OXNAD1: variants seen among roughly 807,000 people sequenced by gnomAD.
The protein encoded by OXNAD1 is oxidoreductase NAD binding domain containing 1, also known as oxidoreductase NAD-binding domain-containing protein 1.
In OXNAD1, 34 loss-of-function variants were observed where a neutral mutation model predicts 32.9. The ratio of observed to expected loss-of-function variants is 1.03; its 90% confidence interval spans 0.79 to 1.38. The LOEUF is 1.38. Among genes scored for constraint, OXNAD1 ranks in the 40% most tolerant of loss-of-function variants. The pLI is 0.00. For missense variants in OXNAD1, 407 were observed against 379.4 expected, an observed-to-expected ratio of 1.07 and a Z score of -0.60; for synonymous variants, 134 against 135.2, an observed-to-expected ratio of 0.99 and a Z score of 0.06.
At position 16,288,027 on chromosome 3, in the gene OXNAD1, TG is replaced by T. The variant is rs1262241555; in HGVS notation, c.290+1582del. On this transcript the variant is annotated intron_variant, in intron 5 of 8. Coordinates refer to ENST00000285083, the MANE Select transcript of OXNAD1 (RefSeq NM_138381.5). The surrounding 1 kb of genome is among the most constrained non-coding windows in gnomAD (Gnocchi z 5.1). ...TTGATCAGCATTCATTCCAGGCCCCTGGGCCCTCCTCTTTCAACAAATTTTA... is the reference window on the plus strand; with the variant it reads ...TTGATCAGCATTCATTCCAGGCCCCTGGCCCTCCTCTTTCAACAAATTTTA... Among the ~76,000 whole-genome samples, 1 of 152,202 alleles carries T rather than the reference TG, an allele frequency of 6.6e-6. No homozygotes were observed. Among genetic ancestry groups the T allele is most frequent in the African/African-American group, 2.4e-5 (1 of 41,464 alleles).
intron 9 of OXNAD1, among the ~76,000 whole-genome samples, chr3:16,347,293 C>A (rs1477080715): frequency 6.6e-6 from 1 of 152,214 alleles, no homozygotes; most frequent in African/African-American, 2.4e-5. Context: ...ATGTTATATC[C>A]ATTTTCTAGG....
intron 9 of OXNAD1, among the ~76,000 whole-genome samples, chr3:16,330,255 A>T (rs1416453040): frequency 1.3e-5 from 2 of 151,946 alleles, no homozygotes; most frequent in Non-Finnish European, 2.9e-5. Flanking sequence ...ACTCTGCCAG[A>T]CTCTCCCACT....
At position 16,327,828 on chromosome 3, in the gene OXNAD1, G is replaced by A. The variant is rs2069880889; in HGVS notation, c.*31-9284G>A. Among the ~76,000 whole-genome samples, 2 of 151,930 alleles carry A rather than the reference G, an allele frequency of 1.3e-5. No homozygotes were observed. On this transcript the variant is annotated intron_variant, in intron 9 of 9. Coordinates refer to the OXNAD1 transcript ENST00000435829. The surrounding 1 kb of genome is among the most constrained non-coding windows in gnomAD (Gnocchi z 4.2). ...GCACAGGGAGAGAGCCCTGATGTGA[G>A]GCCCCTGCACTGGCTTCCACCTCTG...
downstream of OXNAD1, among the ~76,000 whole-genome samples, chr3:16,310,394 C>A (rs1206239669): frequency 2.0e-5 from 3 of 152,008 alleles, no homozygotes; most frequent in Admixed American, 6.6e-5. Context: ...TTAATGCTCA[C>A]CCTAATAAGT....
rs563042027 is a variant in OXNAD1 at position 16,345,828 on chromosome 3, G to A, written c.*31-3348G>A. 2.6e-5 allele frequency among the ~76,000 whole-genome samples: 2 copies of A among 75,752 alleles called. No individual in the cohort carries two copies. The highest frequency in any genetic ancestry group is 6.4e-4 in the South Asian group (1 of 1,552). The allele number at this position is 75,752 out of a possible 152,430, so 49.7% of individuals were successfully genotyped here. A position where few individuals can be genotyped will look rare whatever the true frequency, so the allele number is the denominator to read the frequency against. The stretch of plus-strand genomic sequence containing the variant: ...TGTGTGTGTGTGTGTGCGCGCGCGC[G>A]TGCGCGCACGCGCACATGTGCATGT... On this transcript the variant is annotated intron_variant, in intron 9 of 9. Coordinates refer to the OXNAD1 transcript ENST00000606098. This position sits in a 1 kb window ranked among gnomAD's most constrained non-coding sequence, Gnocchi z 5.2.
At position 16,298,865 on chromosome 3, in the gene OXNAD1, C is replaced by G. The variant is rs922044425; in HGVS notation, c.433-2761C>G. Among the ~76,000 whole-genome samples the G allele has an allele frequency of 3.9e-5, 6 of 152,134 alleles. No homozygotes were observed. Among genetic ancestry groups the G allele is most frequent in the Non-Finnish European group, 8.8e-5 (6 of 68,016 alleles). On this transcript the variant is annotated intron_variant, in intron 6 of 8. Coordinates refer to ENST00000285083, the MANE Select transcript of OXNAD1 (RefSeq NM_138381.5). The surrounding 1 kb of genome is among the most constrained non-coding windows in gnomAD (Gnocchi z 5.1). The stretch of plus-strand genomic sequence containing the variant: ...TAATTGAAGGTAATGTCCTTTTATT[C>G]ACTTACATATTACAGTGTACAGTAC...
At position 16,345,726 on chromosome 3, in the gene OXNAD1, T is replaced by C. The variant is rs1320577137; in HGVS notation, c.*31-3450T>C. Among the ~76,000 whole-genome samples the C allele has an allele frequency of 6.6e-6, 1 of 151,782 alleles. No homozygotes were observed. The highest frequency in any genetic ancestry group is 1.5e-5 in the Non-Finnish European group (1 of 67,960). ...CTTTCCTGGGTCTCCAGCTTGCAGA[T>C]AGCAGACTGTGGGACTCCTCAGCCT... On this transcript the variant is annotated intron_variant, in intron 9 of 9. Transcript: ENST00000606098. This position sits in a 1 kb window ranked among gnomAD's most constrained non-coding sequence, Gnocchi z 5.2.
At chr3:16,279,347 A>C (rs934351284) in intron 4 of OXNAD1, among the ~76,000 whole-genome samples, 5 of 152,128 alleles carry the variant, frequency 3.3e-5, no homozygotes, top group Non-Finnish European at 7.4e-5. Flanking sequence ...TGTGAGTTGA[A>C]GGCTACAAAG....
chr3:16,294,706 A>T, intron 5 of OXNAD1, 150 bp from the exon 6 acceptor site: 1 of 739,822 alleles, frequency 1.4e-6, no homozygotes, highest in Non-Finnish European at 2.0e-6. Context: ...AATTCTTTTT[A>T]TTTCTATAAG....
rs2125273198 is a variant in OXNAD1 at position 16,337,195 on chromosome 3, A to G, written c.*114A>G. 1 of 152,336 alleles carries G rather than the reference A, an allele frequency of 6.6e-6. No individual in the cohort carries two copies. The highest frequency in any genetic ancestry group is 2.1e-4 in the South Asian group (1 of 4,828). The allele number at this position is 152,336 out of a possible 1,614,324, so 9.4% of individuals were successfully genotyped here. On this transcript the variant is annotated 3_prime_UTR_variant, in exon 10 of 10. Transcript: ENST00000435829. This position sits in a 1 kb window ranked among gnomAD's most constrained non-coding sequence, Gnocchi z 5.0. Reference sequence around the variant, plus strand: ...GTGGCCCTGCTAAGCAGCAGACGTGAGAGATGCCATCTTGGAGCTGCTAGC... The same window carrying G: ...GTGGCCCTGCTAAGCAGCAGACGTGGGAGATGCCATCTTGGAGCTGCTAGC...
At chr3:16,325,563 C>G (rs1165189363) in intron 9 of OXNAD1, among the ~76,000 whole-genome samples, 2 of 152,212 alleles carry the variant, frequency 1.3e-5, no homozygotes, top group Non-Finnish European at 2.9e-5. Flanking sequence ...AAGTGGCAGA[C>G]TGAAGACTTG....
rs1296981650 is a variant in OXNAD1, at chr3:16,277,610, T to C, written c.183+5888T>C. 6.6e-6 allele frequency among the ~76,000 whole-genome samples: 1 copy of C among 152,242 alleles called. No homozygotes were observed. Among genetic ancestry groups the C allele is most frequent in the Non-Finnish European group, 1.5e-5 (1 of 68,032 alleles). The stretch of plus-strand genomic sequence containing the variant: ...GAGGAAGCAGGGCCTAGGACATGTC[T>C]CTCAGTGACGAAAGGAAGCTCCAGC... On this transcript the variant is annotated intron_variant, in intron 4 of 8. Coordinates refer to ENST00000285083, the MANE Select transcript of OXNAD1 (RefSeq NM_138381.5). The surrounding 1 kb of genome is among the most constrained non-coding windows in gnomAD (Gnocchi z 4.3).
chr3:16,318,657 A>G (rs1314273665), intron 9 of OXNAD1, among the ~76,000 whole-genome samples: 1 of 152,228 alleles, frequency 6.6e-6, no homozygotes, highest in Non-Finnish European at 1.5e-5. Context: ...TGGTAATGGA[A>G]TGTTCCATTA....
intron 9 of OXNAD1, among the ~76,000 whole-genome samples, chr3:16,323,897 G>T (rs1180798914): frequency 1.3e-5 from 2 of 152,204 alleles, no homozygotes; most frequent in African/African-American, 4.8e-5. Flanking sequence ...CTGCATCCAG[G>T]GTCTCAGCCA....
intron 9 of OXNAD1, among the ~76,000 whole-genome samples, chr3:16,319,594 C>A (rs2068814779): frequency 6.6e-6 from 1 of 152,214 alleles, no homozygotes; most frequent in African/African-American, 2.4e-5. Flanking sequence ...AGCCCAGATA[C>A]TCTCTCCGGG....
At position 16,345,301 on chromosome 3, in the gene OXNAD1, T is replaced by TGTGTGTGTGTGTGTGTGTGTGTGTGTG. The variant is rs1559842639; in HGVS notation, c.*31-3875_*31-3874insGTGTGTGTGTGTGTGTGTGTGTGTGTG. ...GTGTGTGTGTGTGTGTGTGTGTGTG[T>TGTGTGTGTGTGTGTGTGTGTGTGTGTG]TTAAAGCTGTTATAGAATTATCTCC... On this transcript the variant is annotated intron_variant, in intron 9 of 9. Coordinates refer to the OXNAD1 transcript ENST00000606098. This position sits in a 1 kb window ranked among gnomAD's most constrained non-coding sequence, Gnocchi z 5.2. 11 of 146,414 alleles carry TGTGTGTGTGTGTGTGTGTGTGTGTGTG rather than the reference T, an allele frequency of 7.5e-5. No individual in the cohort carries two copies. The highest frequency in any genetic ancestry group is 2.5e-4 in the African/African-American group (10 of 40,308). 9.1% of individuals were successfully genotyped at this position (146,414 alleles called of 1,614,324 possible). A position where few individuals can be genotyped will look rare whatever the true frequency, so the allele number is the denominator to read the frequency against.
chr3:16,280,801 T>C lies in OXNAD1; in HGVS notation c.184-5541T>C, dbSNP rs1386256775. Reference sequence around the variant, plus strand: ...CTTTTTAAACAAGTGTGATGGAATTTCCTTTTAGATGCTGACTCTGCCTCA... The same window carrying C: ...CTTTTTAAACAAGTGTGATGGAATTCCCTTTTAGATGCTGACTCTGCCTCA... On this transcript the variant is annotated intron_variant, in intron 4 of 8. Coordinates refer to ENST00000285083, the MANE Select transcript of OXNAD1 (RefSeq NM_138381.5). The surrounding 1 kb of genome is among the most constrained non-coding windows in gnomAD (Gnocchi z 4.5). Among the ~76,000 whole-genome samples, 1 of 152,228 alleles carries C rather than the reference T, an allele frequency of 6.6e-6. No homozygotes were observed. The highest frequency in any genetic ancestry group is 1.9e-4 in the East Asian group (1 of 5,196).
Position 16,316,922 on chromosome 3 carries a change from A to G in OXNAD1, c.*30+13330A>G, listed in dbSNP as rs896361298. On this transcript the variant is annotated intron_variant, in intron 9 of 9. Transcript: ENST00000435829. This position sits in a 1 kb window ranked among gnomAD's most constrained non-coding sequence, Gnocchi z 4.5. ...ATTGGAGTGCCCAGTGCAAATCCCC[A>G]CCAGGGCCCTGCTGTGGCTGGCAGG... The G allele has an allele frequency of 3.1e-6, 5 of 1,613,702 alleles. No individual in the cohort carries two copies. The African/African-American group carries it at 5.3e-5, about 17-fold the overall frequency.
Position 16,265,857 on chromosome 3 carries a change from T to G in OXNAD1, c.-159+352T>G. The G allele has an allele frequency of 1.2e-5, 12 of 985,086 alleles. No homozygotes were observed. Among genetic ancestry groups the G allele is most frequent in the Non-Finnish European group, 1.4e-5 (12 of 829,674 alleles). 61.0% of individuals were successfully genotyped at this position (985,086 alleles called of 1,614,324 possible). A position where few individuals can be genotyped will look rare whatever the true frequency, so the allele number is the denominator to read the frequency against. The stretch of plus-strand genomic sequence containing the variant: ...CTCCAAAGCCCAGGAACAAATTACT[T>G]ATGTGAGTACCAGTTTTTTCGTTGT... On this transcript the variant is annotated intron_variant, in intron 1 of 8. Transcript: ENST00000285083. The surrounding 1 kb of genome is among the most constrained non-coding windows in gnomAD (Gnocchi z 4.8).
Sources: allele counts gnomAD v4.1 joint callset (sites outside exome capture counted in the v4.1 genomes callset), GRCh38; gene constraint gnomAD v4.1.1; non-coding constraint Gnocchi (gnomAD v3.1); transcripts MANE v1.5; gene names NCBI Gene and HGNC (gene_info 2026-07-23, HGNC 2026-07-21).